Variants in TLK1 observed in about 807,000 individuals in gnomAD.
TLK1 encodes the protein tousled like kinase 1.
TLK1 carries 24 observed loss-of-function variants against 105.3 expected under a neutral mutation model. The observed-to-expected ratio is 0.23, with a 90% CI of 0.17 to 0.32. The LOEUF (loss-of-function observed/expected upper bound fraction) is 0.32. TLK1 is among the 10% of genes least tolerant of loss of function. TLK1 has a pLI of 1.00. For missense variants in TLK1, 558 were observed against 910.5 expected (o/e 0.61, Z 4.98); for synonymous variants, 321 against 310.4 (o/e 1.03, Z -0.36).
chr2:171,003,931 G>A (rs574149907), intron 18 of TLK1, among the ~76,000 whole-genome samples: 1 of 152,104 alleles, frequency 6.6e-6, no homozygotes, highest in African/African-American at 2.4e-5. Flanking sequence ...TCACGCCTTC[G>A]TGACATACCT....
At chr2:171,135,372 G>T (rs1272003902) in intron 1 of TLK1, among the ~76,000 whole-genome samples, 2 of 150,456 alleles carry the variant, frequency 1.3e-5, no homozygotes, top group Non-Finnish European at 3.0e-5. Context: ...CCCCATAAAT[G>T]TATACAATTA....
intron 2 of TLK1, among the ~76,000 whole-genome samples, chr2:171,105,550 G>T (rs1689883741): frequency 6.6e-6 from 1 of 152,152 alleles, no homozygotes; most frequent in African/African-American, 2.4e-5. Context: ...GATGAGTGTG[G>T]TGGCGTGCGC....
chr2:171,172,584 G>C (rs1221391776), intron 1 of TLK1, among the ~76,000 whole-genome samples: 1 of 152,110 alleles, frequency 6.6e-6, no homozygotes, highest in Non-Finnish European at 1.5e-5. Context: ...TGGATCATGG[G>C]GGTGAATTTT....
At chr2:171,076,897 A>T (rs940365475) in intron 3 of TLK1, among the ~76,000 whole-genome samples, 3 of 151,926 alleles carry the variant, frequency 2.0e-5, no homozygotes, top group Admixed American at 1.3e-4. Context: ...CTAGGCAACG[A>T]GTGAGACTCT....
At chr2:171,132,216 A>AGCAGGAGAAAT (rs1344448911) in intron 1 of TLK1, among the ~76,000 whole-genome samples, 2 of 152,226 alleles carry the variant, frequency 1.3e-5, no homozygotes, top group African/African-American at 2.4e-5. Flanking sequence ...AATGAGTGCA[A>AGCAGGAGAAAT]GCAGGAGAAA....
chr2:170,998,435 G>C (rs1684187821), intron 18 of TLK1, among the ~76,000 whole-genome samples: 1 of 152,058 alleles, frequency 6.6e-6, no homozygotes, highest in South Asian at 2.1e-4. Flanking sequence ...CAATTCACTT[G>C]CATCTCCACT....
intron 1 of TLK1, among the ~76,000 whole-genome samples, chr2:171,210,290 T>A (rs890140061): frequency 6.4e-4 from 97 of 151,904 alleles, no homozygotes; most frequent in African/African-American, 2.1e-3. Flanking sequence ...TTTTTTTTTT[T>A]ATAGGAGACA....
chr2:171,093,195 T>A (rs1529378), intron 2 of TLK1, among the ~76,000 whole-genome samples: 1 of 152,018 alleles, frequency 6.6e-6, no homozygotes, highest in Non-Finnish European at 1.5e-5. Flanking sequence ...CAGAGCTAAG[T>A]GCTGAGACCA....
chr2:171,031,593 T>G (rs1297022655), intron 11 of TLK1, among the ~76,000 whole-genome samples: 1 of 152,304 alleles, frequency 6.6e-6, no homozygotes, highest in East Asian at 1.9e-4. Flanking sequence ...ATAAAAATAT[T>G]TTATTATGCA....
intron 1 of TLK1, among the ~76,000 whole-genome samples, chr2:171,187,072 A>AG (rs1355539287): frequency 3.3e-5 from 4 of 122,038 alleles, no homozygotes; most frequent in Admixed American, 8.8e-5. Context: ...AAAAAAAAAA[A>AG]AAAAAAAAAA....
Position 171,115,784 on chromosome 2 carries a change from G to A in TLK1, c.258+1955C>T, listed in dbSNP as rs545389833. Among the ~76,000 whole-genome samples the A allele has an allele frequency of 9.2e-5, 14 of 151,892 alleles. No individual in the cohort carries two copies. The East Asian group carries it at 2.5e-3, about 27-fold the overall frequency. Reference sequence around the variant, plus strand: ...ATGAATTGAACAATATATTTCTAAGGAAAAAAAGAAAACACAGTAAGGACT... The same window carrying A: ...ATGAATTGAACAATATATTTCTAAGAAAAAAAAGAAAACACAGTAAGGACT... On this transcript the variant is annotated intron_variant, in intron 2 of 20. Transcript: ENST00000431350.
At chr2:171,146,343 T>G (rs975544876) in intron 1 of TLK1, among the ~76,000 whole-genome samples, 1 of 152,112 alleles carries the variant, frequency 6.6e-6, no homozygotes, top group African/African-American at 2.4e-5. Flanking sequence ...CTTTTGTAGT[T>G]CTTAAGTGTG....
intron 2 of TLK1, among the ~76,000 whole-genome samples, chr2:171,105,552 G>A (rs1235104683): frequency 6.6e-6 from 1 of 152,162 alleles, no homozygotes; most frequent in Non-Finnish European, 1.5e-5. Context: ...TGAGTGTGGT[G>A]GCGTGCGCCT....
Position 171,005,746 on chromosome 2 carries a change from A to G in TLK1, c.1904+401T>C, listed in dbSNP as rs1684623640. 2.0e-5 allele frequency among the ~76,000 whole-genome samples: 3 copies of G among 152,196 alleles called. No individual in the cohort carries two copies. In the South Asian group the frequency reaches 6.2e-4, roughly 31 times the overall value. On this transcript the variant is annotated intron_variant, in intron 18 of 20. Coordinates refer to ENST00000431350, the MANE Select transcript of TLK1 (RefSeq NM_012290.5). ...ATAAAATGAAAATTCCTGCAACCAT[A>G]TAACCTCCACAGAGAGGGCTTGATG...
chr2:171,013,090 G>A (rs1347130888), intron 13 of TLK1, among the ~76,000 whole-genome samples: 1 of 151,252 alleles, frequency 6.6e-6, no homozygotes, highest in Non-Finnish European at 1.5e-5. Context: ...GTGCAGTGGC[G>A]CAACCTCCGC....
intron 11 of TLK1, among the ~76,000 whole-genome samples, chr2:171,029,418 C>T (rs1213127444): frequency 6.6e-6 from 1 of 152,082 alleles, no homozygotes; most frequent in East Asian, 1.9e-4. Context: ...TCACTGGAGC[C>T]CAGGAATTCC....
chr2:170,994,414 T>C (rs753347379), intron 20 of TLK1, among the ~76,000 whole-genome samples: 6 of 152,088 alleles, frequency 3.9e-5, no homozygotes, highest in South Asian at 2.1e-4. Context: ...ATTAGGGACA[T>C]TGTTTCCCAG....
chr2:171,020,146 C>A (rs923574182), intron 12 of TLK1, among the ~76,000 whole-genome samples: 2 of 151,570 alleles, frequency 1.3e-5, no homozygotes, highest in African/African-American at 4.9e-5. Flanking sequence ...ATCTCTAAGT[C>A]CTAAAAAAAT....
chr2:171,114,148 CTTA>C (rs947816635), intron 2 of TLK1, among the ~76,000 whole-genome samples: 2 of 152,018 alleles, frequency 1.3e-5, no homozygotes, highest in African/African-American at 4.8e-5. Context: ...TTCATCATTA[CTTA>C]TTATTTTCAT....
Sources: allele counts gnomAD v4.1 joint callset (sites outside exome capture counted in the v4.1 genomes callset), GRCh38; gene constraint gnomAD v4.1.1; transcripts MANE v1.5; gene names NCBI Gene and HGNC (gene_info 2026-07-23, HGNC 2026-07-21).